Variants in SLC17A9 observed in about 807,000 individuals in gnomAD.
SLC17A9 encodes solute carrier family 17 member 9.
In SLC17A9, 49 loss-of-function variants were observed where a neutral mutation model predicts 55.0. The observed-to-expected ratio is 0.89, with a 90% CI of 0.71 to 1.13. SLC17A9 has a LOEUF of 1.13. SLC17A9 is among the 50% of genes most tolerant of loss of function. The pLI, the probability that SLC17A9 is intolerant of heterozygous loss-of-function variation, is 0.00. For missense variants in SLC17A9, 526 were observed against 569.3 expected (o/e 0.92, Z 0.77); for synonymous variants, 256 against 247.4 (o/e 1.03, Z -0.32).
intron 4 of SLC17A9, among the ~76,000 whole-genome samples, chr20:62,961,394 C>T (rs961572025): frequency 6.6e-6 from 1 of 152,082 alleles, no homozygotes; most frequent in African/African-American, 2.4e-5. Context: ...TCCTCATCCA[C>T]GATGCGGCAA....
At chr20:62,955,283 G>A (rs1024206859) in intron 1 of SLC17A9, among the ~76,000 whole-genome samples, 1 of 151,498 alleles carries the variant, frequency 6.6e-6, no homozygotes, top group African/African-American at 2.4e-5. Flanking sequence ...AAGTAGCTGG[G>A]ATTACAGGCA....
At chr20:62,957,721 T>A (rs1601087986) in intron 3 of SLC17A9, 141 bp downstream of exon 3, 3 of 648,176 alleles carry the variant, frequency 4.6e-6, no homozygotes, top group Non-Finnish European at 6.9e-6. Flanking sequence ...CCCGCGTGCA[T>A]GCGTGCACCT....
At chr20:62,965,109 C>G in intron 8 of SLC17A9, 23 bp from the exon 9 acceptor site, 1 of 1,613,908 alleles carries the variant, frequency 6.2e-7, no homozygotes, top group Non-Finnish European at 8.5e-7. Context: ...AACGGGAGCC[C>G]CTTCCTTGGC....
Position 62,956,807 on chromosome 20 carries a change from A to C in SLC17A9, c.102A>C (p.Thr34=), listed in dbSNP as rs2245341. The stretch of plus-strand genomic sequence containing the variant: ...GGACGGGGACGCTGCTGCTGGGCAC[A>C]TGCCTTCTGTACTGCGCCCGCTCCA... ...QAWTGTLLLG[T]CLLYCARSSM... The change falls in exon 2 of 13, where the codon ACA becomes ACC. Residue 34 remains threonine, a synonymous_variant. Coordinates refer to ENST00000370351, the MANE Select transcript of SLC17A9 (RefSeq NM_022082.4). The C allele has an allele frequency of 6.2e-7, 1 of 1,612,046 alleles. No homozygotes were observed. Among genetic ancestry groups the C allele is most frequent in the South Asian group, 1.1e-5 (1 of 91,020 alleles).
intron 12 of SLC17A9, chr20:62,967,098 AG>A: frequency 1.7e-6 from 1 of 589,926 alleles, no homozygotes; most frequent in Non-Finnish European, 3.0e-6. Context: ...AGCGGGACAA[AG>A]GGGACTTGTT....
At chr20:62,964,696 G>A (rs1006452338) in intron 8 of SLC17A9, among the ~76,000 whole-genome samples, 4 of 152,378 alleles carry the variant, frequency 2.6e-5, no homozygotes, top group Non-Finnish European at 5.9e-5. Flanking sequence ...TGCAGTGTCC[G>A]CTGCACAGAC....
rs769739550 is a variant in SLC17A9, at chr20:62,965,160, C to G, written c.939C>G (p.Leu313=). The G allele has an allele frequency of 1.6e-5, 26 of 1,614,152 alleles. No individual in the cohort carries two copies. Among genetic ancestry groups the G allele is most frequent in the Non-Finnish European group, 2.0e-5 (24 of 1,180,030 alleles). ...QGYRAITVRK[L]MQGMGLGLSS... is the part of the protein sequence containing the mutation. ...ACAGAGCCATCACGGTGCGGAAGCT[C>G]ATGCAGGTAGGAGAATCATTCCGGT... Residue 313 remains leucine, a synonymous_variant, in exon 9 of 13, where the codon CTC becomes CTG. Coordinates refer to ENST00000370351, the MANE Select transcript of SLC17A9 (RefSeq NM_022082.4).
chr20:62,959,937 C>A (rs1415004121), intron 3 of SLC17A9, among the ~76,000 whole-genome samples: 2 of 152,212 alleles, frequency 1.3e-5, no homozygotes, highest in African/African-American at 4.8e-5. Flanking sequence ...TTCCAAACTT[C>A]TAAAGCGGCT....
rs769767314 is a variant in SLC17A9 at position 62,964,227 on chromosome 20, G to A, written c.823-1G>A. ...CTCTAAGGCCAAACTCCCCCCTGCA[G>A]GGCTGGATCTTCAACGTGGTTCCTT... On this transcript the variant is annotated splice_acceptor_variant, in intron 7 of 12. Coordinates refer to ENST00000370351, the MANE Select transcript of SLC17A9 (RefSeq NM_022082.4). LOFTEE classifies it high-confidence loss of function. 8 of 1,614,078 alleles carry A rather than the reference G, an allele frequency of 5.0e-6. No homozygotes were observed. The Admixed American group carries it at 8.3e-5, about 17-fold the overall frequency.
intron 3 of SLC17A9, among the ~76,000 whole-genome samples, chr20:62,959,294 G>C (rs984609018): frequency 2.0e-5 from 3 of 152,226 alleles, no homozygotes; most frequent in South Asian, 4.1e-4. Context: ...CCGTAGGCTC[G>C]CTGCCGCTCC....
In SLC17A9 at chr20:62,964,326, G is replaced by A; in HGVS notation, c.910+11G>A. 6.2e-7 allele frequency: 1 copy of A among 1,614,012 alleles called. No individual in the cohort carries two copies. The highest frequency in any genetic ancestry group is 1.3e-5 in the African/African-American group (1 of 75,070). On this transcript the variant is annotated intron_variant, in intron 8 of 12. Transcript: ENST00000370351. ...ATCTCATCAATCAGGGTGAGCCCCA[G>A]GGAGGGGACCGGGGCTGGAAGCCAC...
Position 62,967,608 on chromosome 20 carries a change from G to A in SLC17A9, c.*108G>A, listed in dbSNP as rs994272669. ...TCCATGTCAGACACACGAGCAGAGA[G>A]GAACACAAACCACTGTGGAGCCTGA... On this transcript the variant is annotated 3_prime_UTR_variant, in exon 13 of 13. Transcript: ENST00000370351. 16 of 1,163,040 alleles carry A rather than the reference G, an allele frequency of 1.4e-5. No individual in the cohort carries two copies. Among genetic ancestry groups the A allele is most frequent in the Middle Eastern group, 3.1e-4 (1 of 3,254 alleles). 72.0% of individuals were successfully genotyped at this position (1,163,040 alleles called of 1,614,324 possible).
intron 1 of SLC17A9, among the ~76,000 whole-genome samples, chr20:62,953,485 G>A (rs1340053639): frequency 1.3e-5 from 2 of 152,248 alleles, no homozygotes; most frequent in Non-Finnish European, 2.9e-5. Context: ...GAAACCGGGC[G>A]AGATGGTGAC....
chr20:62,953,563 G>A (rs966195787), intron 1 of SLC17A9, among the ~76,000 whole-genome samples: 1 of 152,252 alleles, frequency 6.6e-6, no homozygotes, highest in African/African-American at 2.4e-5. Context: ...CCACACTGCT[G>A]AACCCCTTGG....
At chr20:62,960,723 G>A in intron 4 of SLC17A9, 120 bp downstream of exon 4, 1 of 939,724 alleles carries the variant, frequency 1.1e-6, no homozygotes, top group Non-Finnish European at 1.6e-6. Flanking sequence ...TGGTGAGGTG[G>A]GTCCCGCAGG....
intron 8 of SLC17A9, 54 bp downstream of exon 8, chr20:62,964,369 T>G (rs569556409): frequency 4.5e-6 from 7 of 1,567,040 alleles, no homozygotes; most frequent in Admixed American, 1.7e-5. Context: ...TTCACCTCGC[T>G]TTCGAGGGGC....
intron 3 of SLC17A9, among the ~76,000 whole-genome samples, chr20:62,959,219 C>A (rs2065567969): frequency 1.3e-5 from 2 of 152,184 alleles, no homozygotes; most frequent in Admixed American, 1.3e-4. Context: ...CTGAGAAGAC[C>A]CTCGGCCCTG....
At chr20:62,960,637 G>A (rs955272981) in intron 4 of SLC17A9, 34 bp downstream of exon 4, 6 of 1,583,232 alleles carry the variant, frequency 3.8e-6, no homozygotes, top group Non-Finnish European at 5.2e-6. Context: ...CCCAGGAGAG[G>A]CCACCAGGTG....
At position 62,962,977 on chromosome 20, in the gene SLC17A9, G is replaced by A. The variant is rs1328859276; in HGVS notation, c.628+223G>A. 2.9e-6 allele frequency: 2 copies of A among 691,194 alleles called. No homozygotes were observed. The highest frequency in any genetic ancestry group is 4.7e-6 in the Non-Finnish European group (2 of 422,690). The allele number at this position is 691,194 out of a possible 1,614,324, so 42.8% of individuals were successfully genotyped here. On this transcript the variant is annotated intron_variant, in intron 5 of 12. Transcript: ENST00000370351. This position sits in a 1 kb window ranked among gnomAD's most constrained non-coding sequence, Gnocchi z 5.5. ...CATCTAGGGCTAAGGCAGACACCCA[G>A]GAAGACCTGCTGGGCACAGGTCAAG...
Sources: gnomAD v4.1 joint callset for allele counts (sites outside exome capture counted in the v4.1 genomes callset) on GRCh38, gnomAD v4.1.1 for gene constraint, Gnocchi (gnomAD v3.1) non-coding constraint, MANE v1.5 for transcripts, NCBI Gene and HGNC (gene_info 2026-07-23, HGNC 2026-07-21) for gene names.